SRD5A2: variants seen among roughly 807,000 people sequenced by gnomAD.
SRD5A2 encodes steroid 5 alpha-reductase 2, also known as 3-oxo-5-alpha-steroid 4-dehydrogenase 2.
Under a neutral mutation model 27.4 loss-of-function variants are expected in SRD5A2, and 30 were observed. That is an observed-to-expected ratio of 1.10 (90% CI 0.82 to 1.49). The LOEUF (loss-of-function observed/expected upper bound fraction) is 1.49, where lower values mean the gene tolerates loss of function less well. Among genes scored for constraint, SRD5A2 ranks in the 40% most tolerant of loss-of-function variants. SRD5A2 has a pLI of 0.00. For missense variants in SRD5A2, 348 were observed against 323.4 expected (o/e 1.08, Z -0.58); for synonymous variants, 141 against 133.6 (o/e 1.06, Z -0.38).
At position 31,524,334 on chromosome 2, in the gene SRD5A2, A is replaced by T. The variant is rs1318488779; in HGVS notation, c.*1862T>A. The T allele has an allele frequency of 1.8e-5, 4 of 227,540 alleles. No homozygotes were observed. The highest frequency in any genetic ancestry group is 2.6e-5 in the Non-Finnish European group (3 of 114,582). The allele number at this position is 227,540 out of a possible 1,614,324, so 14.1% of individuals were successfully genotyped here. On this transcript the variant is annotated 3_prime_UTR_variant, in exon 5 of 5. Transcript: ENST00000622030. Reference sequence around the variant, plus strand: ...ACCAGGAGTGGCATCTAACCTCATGACGTTTTCCTGCACCTTTATTGTACT... The same window carrying T: ...ACCAGGAGTGGCATCTAACCTCATGTCGTTTTCCTGCACCTTTATTGTACT...
At chr2:31,583,293 C>T (rs1667112294), upstream of SRD5A2, among the ~76,000 whole-genome samples, 1 of 152,180 alleles carries the variant, frequency 6.6e-6, no homozygotes, top group Non-Finnish European at 1.5e-5. Context: ...CCTCTTCAGG[C>T]TCAGGCCAAG....
the SRD5A2 span, among the ~76,000 whole-genome samples, chr2:31,587,421 C>T: frequency 1.8e-4 from 27 of 152,144 alleles, no homozygotes; most frequent in African/African-American, 6.0e-4. Flanking sequence ...CCCAAAGGAT[C>T]ATAATTCATT....
the SRD5A2 span, among the ~76,000 whole-genome samples, chr2:31,620,690 T>G: frequency 6.6e-6 from 1 of 151,762 alleles, no homozygotes; most frequent in Non-Finnish European, 1.5e-5. Context: ...AATATGCAAA[T>G]AGTATTGACA....
intron 1 of SRD5A2, among the ~76,000 whole-genome samples, chr2:31,539,295 C>T (rs558785276): frequency 6.6e-6 from 1 of 152,132 alleles, no homozygotes; most frequent in Non-Finnish European, 1.5e-5. Context: ...AAAATGGAAC[C>T]ATCACAGATC....
the SRD5A2 span, among the ~76,000 whole-genome samples, chr2:31,652,083 C>T: frequency 6.6e-6 from 1 of 152,182 alleles, no homozygotes; most frequent in Non-Finnish European, 1.5e-5. Flanking sequence ...CTTAGCCCCC[C>T]AGTAGCTGGG....
the SRD5A2 span, among the ~76,000 whole-genome samples, chr2:31,649,730 T>C: frequency 6.6e-6 from 1 of 152,154 alleles, no homozygotes; most frequent in East Asian, 1.9e-4. Flanking sequence ...CAGTATAGCA[T>C]TTTTTGAATC....
chr2:31,662,511 G>T, the SRD5A2 span, among the ~76,000 whole-genome samples: 1 of 152,100 alleles, frequency 6.6e-6, no homozygotes, highest in Non-Finnish European at 1.5e-5. Context: ...TAAGAAACAA[G>T]GTTTCATTAT....
At chr2:31,635,331 G>C in the SRD5A2 span, among the ~76,000 whole-genome samples, 1 of 151,946 alleles carries the variant, frequency 6.6e-6, no homozygotes, top group Non-Finnish European at 1.5e-5. Context: ...ATACCTGTTG[G>C]CCATTTGTAT....
chr2:31,538,614 A>G (rs1666071677), intron 1 of SRD5A2, among the ~76,000 whole-genome samples: 1 of 152,164 alleles, frequency 6.6e-6, no homozygotes, highest in Non-Finnish European at 1.5e-5. Context: ...GACTGCCTTC[A>G]AGACCCTAGA....
chr2:31,649,787 T>G, the SRD5A2 span, among the ~76,000 whole-genome samples: 2 of 152,160 alleles, frequency 1.3e-5, no homozygotes, highest in African/African-American at 4.8e-5. Context: ...CCATAGGATA[T>G]TCACATAATA....
the SRD5A2 span, among the ~76,000 whole-genome samples, chr2:31,615,481 G>A: frequency 6.6e-6 from 1 of 152,140 alleles, no homozygotes; most frequent in Admixed American, 6.5e-5. Context: ...CCCCTGCCCT[G>A]GAGATCTGTG....
chr2:31,578,209 T>G (rs1008169609), intron 1 of SRD5A2, among the ~76,000 whole-genome samples: 1 of 152,088 alleles, frequency 6.6e-6, no homozygotes, highest in Non-Finnish European at 1.5e-5. Flanking sequence ...GATTTTTCCA[T>G]TTTTCATTAG....
At chr2:31,589,112 T>C in the SRD5A2 span, among the ~76,000 whole-genome samples, 1 of 151,930 alleles carries the variant, frequency 6.6e-6, no homozygotes, top group African/African-American at 2.4e-5. Flanking sequence ...AACCTGAAAA[T>C]CCAGATCACA....
chr2:31,567,111 A>G (rs1247100957), intron 1 of SRD5A2, among the ~76,000 whole-genome samples: 2 of 152,198 alleles, frequency 1.3e-5, no homozygotes, highest in East Asian at 1.9e-4. Context: ...TCAATCCCCA[A>G]TTGTAGAGCA....
At chr2:31,611,999 T>A in the SRD5A2 span, among the ~76,000 whole-genome samples, 1 of 152,072 alleles carries the variant, frequency 6.6e-6, no homozygotes, top group African/African-American at 2.4e-5. Flanking sequence ...ATAAACTGGC[T>A]GAGTGTGGTG....
chr2:31,588,171 T>G, the SRD5A2 span, among the ~76,000 whole-genome samples: 1 of 151,952 alleles, frequency 6.6e-6, no homozygotes, highest in Non-Finnish European at 1.5e-5. Context: ...AAAGAGGACA[T>G]AGAGAAAGAG....
chr2:31,562,392 A>G (rs1204200611), intron 1 of SRD5A2, among the ~76,000 whole-genome samples: 2 of 152,164 alleles, frequency 1.3e-5, no homozygotes, highest in African/African-American at 4.8e-5. Context: ...AAACAATCCA[A>G]TTATACTATT....
intron 1 of SRD5A2, 90 bp downstream of exon 1, chr2:31,580,530 C>T: frequency 7.2e-7 from 1 of 1,393,676 alleles, no homozygotes; most frequent in Non-Finnish European, 9.4e-7. Flanking sequence ...GCCTCCTTGG[C>T]GTTCCTCGGT....
At chr2:31,562,651 C>A (rs556793624) in intron 1 of SRD5A2, among the ~76,000 whole-genome samples, 8 of 152,116 alleles carry the variant, frequency 5.3e-5, no homozygotes, top group South Asian at 2.1e-4. Context: ...AAGATGGGAA[C>A]AATACACACC....
Sources: gnomAD v4.1 joint callset for allele counts (sites outside exome capture counted in the v4.1 genomes callset) on GRCh38, gnomAD v4.1.1 for gene constraint, MANE v1.5 for transcripts, NCBI Gene and HGNC (gene_info 2026-07-23, HGNC 2026-07-21) for gene names.